The following FRAS1 variants were observed in gnomAD, a reference collection of about 807,000 sequenced individuals.
FRAS1 encodes extracellular matrix organizing protein FRAS1.
In FRAS1, 290 loss-of-function variants were observed where a neutral mutation model predicts 435.2. The ratio of observed to expected loss-of-function variants is 0.67; its 90% CI spans 0.61 to 0.73. FRAS1 has a LOEUF of 0.73. Among genes scored for constraint, FRAS1 ranks in the 30% least tolerant of loss-of-function variants. The pLI, the probability that FRAS1 is intolerant of heterozygous loss-of-function variation, is 0.00. For synonymous variants in FRAS1, 1,800 were observed against 1,851.0 expected, an observed-to-expected ratio of 0.97 and a Z score of 0.71; for missense variants, 4,860 against 5,001.5, an observed-to-expected ratio of 0.97 and a Z score of 0.85.
chr4:78,513,464 C>A lies in FRAS1; in HGVS notation c.10086C>A (p.Asn3362Lys). Residue 3362 changes from asparagine to lysine, a missense_variant, in exon 65 of 74, where the codon AAC becomes AAA. Physicochemically the swap from Asn to Lys is moderately conservative, Grantham distance 94. Transcript: ENST00000512123. Reference protein sequence around the residue: ...LPLISTMPLHNLHFLLSESIY... With the variant: ...LPLISTMPLHKLHFLLSESIY... The stretch of plus-strand genomic sequence containing the variant: ...TTATCTCCACCATGCCGTTGCACAA[C>A]TTACATTTTCTACTGTCTGAGTCCA... The A allele has an allele frequency of 6.2e-7, 1 of 1,613,928 alleles. No individual in the cohort carries two copies. Among genetic ancestry groups the A allele is most frequent in the Non-Finnish European group, 8.5e-7 (1 of 1,179,830 alleles).
chr4:78,065,368 C>T (rs567097276), intron 1 of FRAS1, among the ~76,000 whole-genome samples: 1 of 151,598 alleles, frequency 6.6e-6, no homozygotes, highest in Non-Finnish European at 1.5e-5. Flanking sequence ...GTAAATACAA[C>T]ATTTCAACAT....
intron 2 of FRAS1, among the ~76,000 whole-genome samples, chr4:78,123,895 T>C (rs1452450170): frequency 7.2e-5 from 11 of 152,168 alleles, no homozygotes; most frequent in African/African-American, 2.7e-4. Context: ...ATGGGGTTTT[T>C]TAAACATACA....
chr4:78,300,964 G>T (rs1203146249), intron 14 of FRAS1, among the ~76,000 whole-genome samples: 1 of 152,132 alleles, frequency 6.6e-6, no homozygotes, highest in African/African-American at 2.4e-5. Flanking sequence ...GCCCTTTTTA[G>T]CACTTATTGC....
chr4:78,225,180 C>A (rs781747188), intron 2 of FRAS1, among the ~76,000 whole-genome samples: 1 of 152,108 alleles, frequency 6.6e-6, no homozygotes, highest in South Asian at 2.1e-4. Context: ...GATGTGTTAT[C>A]TGATATATCC....
chr4:78,391,916 T>A (rs1437710381), intron 29 of FRAS1, among the ~76,000 whole-genome samples: 1 of 152,214 alleles, frequency 6.6e-6, no homozygotes, highest in African/African-American at 2.4e-5. Context: ...TGGCATAAAA[T>A]GTCTATTTCT....
chr4:78,508,851 T>G lies in FRAS1; in HGVS notation c.9625T>G (p.Tyr3209Asp). ...CCCCTGCGACCCTCATTTCCCCAGA[T>G]ACGCTGTCATGAAGGAGCGCTGCAG... ...VTPCDPHFPR[Y>D]AVMKERCSEA... is the part of the protein sequence containing the mutation. Residue 3209 changes from tyrosine to aspartate, a missense_variant, in exon 63 of 74, where the codon TAC becomes GAC. Physicochemically the swap from Tyr to Asp is radical, Grantham distance 160. Coordinates refer to ENST00000512123, the MANE Select transcript of FRAS1 (RefSeq NM_025074.7). 1 of 1,613,864 alleles carries G rather than the reference T, an allele frequency of 6.2e-7. No homozygotes were observed. The highest frequency in any genetic ancestry group is 2.2e-5 in the East Asian group (1 of 44,832).
At chr4:78,189,592 T>C (rs1315062089) in intron 2 of FRAS1, among the ~76,000 whole-genome samples, 1 of 152,238 alleles carries the variant, frequency 6.6e-6, no homozygotes, top group Non-Finnish European at 1.5e-5. Flanking sequence ...CTTTTAGGGA[T>C]GTAGGCCTTC....
At chr4:78,247,150 T>C (rs1725283707) in intron 4 of FRAS1, among the ~76,000 whole-genome samples, 1 of 152,170 alleles carries the variant, frequency 6.6e-6, no homozygotes, top group Non-Finnish European at 1.5e-5. Flanking sequence ...GAAATCCTCC[T>C]AGCCTCCCAC....
At chr4:78,467,065 A>G (rs1277873142) in intron 50 of FRAS1, among the ~76,000 whole-genome samples, 1 of 152,234 alleles carries the variant, frequency 6.6e-6, no homozygotes, top group Admixed American at 6.5e-5. Flanking sequence ...TCAAACATTT[A>G]TCCTTTGTGT....
At chr4:78,466,184 T>C in intron 49 of FRAS1, 24 bp from the exon 50 acceptor site, 1 of 1,605,130 alleles carries the variant, frequency 6.2e-7, no homozygotes, top group South Asian at 1.1e-5. Context: ...TTCCCTCCCC[T>C]CTGGTATTTT....
intron 70 of FRAS1, among the ~76,000 whole-genome samples, chr4:78,533,907 C>T (rs1721800506): frequency 6.6e-6 from 1 of 152,116 alleles, no homozygotes; most frequent in African/African-American, 2.4e-5. Context: ...TGAGGGAGAA[C>T]AATAAGGGTC....
intron 59 of FRAS1, among the ~76,000 whole-genome samples, chr4:78,493,009 T>A (rs569829547): frequency 4.4e-4 from 67 of 152,334 alleles, no homozygotes; most frequent in African/African-American, 1.3e-3. Context: ...GAACAGACAC[T>A]TCTCAAAAGA....
intron 2 of FRAS1, among the ~76,000 whole-genome samples, chr4:78,085,093 G>A (rs911610471): frequency 1.3e-5 from 2 of 151,968 alleles, no homozygotes. Flanking sequence ...AAATTTTGGG[G>A]AGTATTCTTT....
chr4:78,378,168 C>T (rs574487636), intron 26 of FRAS1, among the ~76,000 whole-genome samples: 4 of 152,248 alleles, frequency 2.6e-5, no homozygotes, highest in South Asian at 2.1e-4. Context: ...ATGGAACTTA[C>T]AATATATGGC....
In FRAS1 at chr4:78,407,729, AT is replaced by A. The variant is rs1560710220; in HGVS notation, c.4197del (p.Asp1399GlufsTer76). 20 of 1,613,782 alleles carry A rather than the reference AT, an allele frequency of 1.2e-5. No individual in the cohort carries two copies. Among genetic ancestry groups the A allele is most frequent in the Non-Finnish European group, 1.7e-5 (20 of 1,179,790 alleles). ...SPADEGQHLP[D>X]GRTATPTSTF... ...GCAGATGAAGGGCAGCACCTGCCTG[AT>A]GGGAGGACAGCTACCCCCACCAGCA... On this transcript the variant is annotated frameshift_variant, in exon 31 of 74. Coordinates refer to ENST00000512123, the MANE Select transcript of FRAS1 (RefSeq NM_025074.7). LOFTEE classifies it high-confidence loss of function.
intron 2 of FRAS1, among the ~76,000 whole-genome samples, chr4:78,073,996 G>C (rs570603166): frequency 7.9e-5 from 12 of 152,280 alleles, no homozygotes; most frequent in African/African-American, 2.9e-4. Context: ...TAAATGAAAG[G>C]AAGAAGGAGA....
intron 59 of FRAS1, among the ~76,000 whole-genome samples, chr4:78,490,084 G>T (rs1331063285): frequency 1.3e-5 from 2 of 151,526 alleles, no homozygotes; most frequent in African/African-American, 4.8e-5. Context: ...TAATGGTAAA[G>T]GGATCAATGC....
At chr4:78,292,306 GAA>G (rs1170280975) in intron 14 of FRAS1, among the ~76,000 whole-genome samples, 3 of 152,044 alleles carry the variant, frequency 2.0e-5, no homozygotes, top group African/African-American at 7.2e-5. Context: ...AAAAAGGAAA[GAA>G]AATTTTAAGT....
chr4:78,322,904 A>T (rs1206194329), intron 18 of FRAS1, among the ~76,000 whole-genome samples: 1 of 152,212 alleles, frequency 6.6e-6, no homozygotes, highest in Non-Finnish European at 1.5e-5. Flanking sequence ...CATGGAACTT[A>T]TATTTTAGTG....
Sources: gnomAD v4.1 joint callset for allele counts (sites outside exome capture counted in the v4.1 genomes callset) on GRCh38, gnomAD v4.1.1 for gene constraint, MANE v1.5 for transcripts, NCBI Gene and HGNC (gene_info 2026-07-23, HGNC 2026-07-21) for gene names.